MPP7: variants seen among roughly 807,000 people sequenced by gnomAD.
MPP7 encodes MAGUK p55 scaffold protein 7.
Under a neutral mutation model 76.5 loss-of-function variants are expected in MPP7, and 60 were observed. The observed-to-expected ratio is 0.78, with a 90% CI of 0.64 to 0.97. The LOEUF is 0.97. Ranked by LOEUF, MPP7 falls within the 50% of genes least tolerant of loss-of-function variation. MPP7 has a pLI of 0.00. For missense variants in MPP7, 641 were observed against 694.0 expected (o/e 0.92, Z 0.86); for synonymous variants, 237 against 244.5 (o/e 0.97, Z 0.29).
chr10:28,173,718 T>C (rs1413272103), intron 3 of MPP7, among the ~76,000 whole-genome samples: 1 of 152,140 alleles, frequency 6.6e-6, no homozygotes, highest in Admixed American at 6.5e-5. Context: ...TATTTAAAAA[T>C]CATTTTCTCA....
intron 1 of MPP7, 26 bp from the exon 2 acceptor site, chr10:28,238,761 T>G (rs1386256489): frequency 3.0e-6 from 2 of 676,598 alleles, no homozygotes; most frequent in Non-Finnish European, 5.0e-6. Context: ...ACATTTATAT[T>G]TTTTAAAAAG....
At chr10:28,189,238 T>G (rs185691559) in intron 3 of MPP7, among the ~76,000 whole-genome samples, 210 of 152,208 alleles carry the variant, frequency 1.4e-3, no homozygotes, top group African/African-American at 4.9e-3. Flanking sequence ...ATAAGGTACC[T>G]GTACTACCTG....
At chr10:28,202,339 T>C in intron 2 of MPP7, 68 bp from the exon 3 acceptor site, 1 of 1,094,630 alleles carries the variant, frequency 9.1e-7, no homozygotes. Flanking sequence ...CTAAGGTGTG[T>C]GTAAATGACA....
intron 7 of MPP7, among the ~76,000 whole-genome samples, chr10:28,124,498 C>T (rs573581895): frequency 5.4e-5 from 4 of 73,412 alleles, no homozygotes; most frequent in South Asian, 1.1e-3. Context: ...TTTTTTGAGA[C>T]GGAGTCTCGC....
chr10:28,181,877 C>G (rs972646543), intron 3 of MPP7, among the ~76,000 whole-genome samples: 6 of 152,180 alleles, frequency 3.9e-5, no homozygotes, highest in African/African-American at 1.4e-4. Context: ...TAAAAATAAA[C>G]CAGACCTCAG....
intron 1 of MPP7, among the ~76,000 whole-genome samples, chr10:28,299,591 T>TA (rs1841106158): frequency 6.6e-6 from 1 of 152,082 alleles, no homozygotes; most frequent in Non-Finnish European, 1.5e-5. Flanking sequence ...AAAATGAACA[T>TA]ACACTATTGG....
chr10:28,275,459 T>G (rs1334110900), intron 1 of MPP7, among the ~76,000 whole-genome samples: 3 of 150,612 alleles, frequency 2.0e-5, no homozygotes, highest in Non-Finnish European at 4.4e-5. Flanking sequence ...CAGGCTGGAG[T>G]GCAATGGCGC....
intron 2 of MPP7, among the ~76,000 whole-genome samples, chr10:28,309,494 C>A (rs1033757718): frequency 6.6e-6 from 1 of 152,118 alleles, no homozygotes; most frequent in African/African-American, 2.4e-5. Flanking sequence ...TTCCTTCTCC[C>A]AGTTCCTACA....
chr10:28,150,751 A>G (rs1301801463), intron 3 of MPP7, among the ~76,000 whole-genome samples: 1 of 152,086 alleles, frequency 6.6e-6, no homozygotes, highest in East Asian at 1.9e-4. Flanking sequence ...TAATTATAAT[A>G]ATAAATTTTA....
upstream of MPP7, among the ~76,000 whole-genome samples, chr10:28,304,336 T>G (rs537727401): frequency 6.6e-6 from 1 of 152,092 alleles, no homozygotes; most frequent in African/African-American, 2.4e-5. Flanking sequence ...CTATTTGAAA[T>G]TAAGCACTTC....
chr10:28,243,337 T>C (rs772773774), intron 1 of MPP7, among the ~76,000 whole-genome samples: 1 of 152,178 alleles, frequency 6.6e-6, no homozygotes, highest in Non-Finnish European at 1.5e-5. Flanking sequence ...GCACTGGTTC[T>C]ATCAGCTTCT....
intron 1 of MPP7, among the ~76,000 whole-genome samples, chr10:28,272,954 G>A (rs890774949): frequency 3.9e-5 from 6 of 152,030 alleles, no homozygotes; most frequent in African/African-American, 1.4e-4. Context: ...GTCTCACTTT[G>A]TCAGCCAGGC....
At chr10:28,082,861 A>G (rs1852828124) in intron 12 of MPP7, among the ~76,000 whole-genome samples, 1 of 152,176 alleles carries the variant, frequency 6.6e-6, no homozygotes, top group South Asian at 2.1e-4. Flanking sequence ...TCTCCCGAAC[A>G]GCTGAGACCA....
At chr10:28,267,323 G>C (rs984075991) in intron 1 of MPP7, among the ~76,000 whole-genome samples, 2 of 152,194 alleles carry the variant, frequency 1.3e-5, no homozygotes, top group African/African-American at 2.4e-5. Context: ...TTTACTATGA[G>C]GCAATTGCTG....
chr10:28,096,176 C>T (rs145202109), intron 11 of MPP7, among the ~76,000 whole-genome samples: 1 of 152,242 alleles, frequency 6.6e-6, no homozygotes, highest in Non-Finnish European at 1.5e-5. Flanking sequence ...ATCCCTTTAT[C>T]CCATGTCACT....
chr10:28,056,553 C>G lies in MPP7; in HGVS notation c.1478G>C (p.Arg493Pro). 1 of 1,612,238 alleles carries G rather than the reference C, an allele frequency of 6.2e-7. No homozygotes were observed. The highest frequency in any genetic ancestry group is 8.5e-7 in the Non-Finnish European group (1 of 1,179,600). ...VIFIKPPSIE[R>P]LRETRKNAKI... The stretch of plus-strand genomic sequence containing the variant: ...TGCATTTTTTCTTGTTTCTCTCAAA[C>G]GCTCTATTGATGGAGGCTTTATAAA... The change falls in exon 16 of 17, where the codon CGT becomes CCT. Residue 493 changes from arginine (R) to proline (P), a missense_variant. Transcript: ENST00000683449.
At chr10:28,124,962 C>A (rs757382646) in intron 7 of MPP7, 48 bp downstream of exon 7, 2 of 1,491,254 alleles carry the variant, frequency 1.3e-6, no homozygotes, top group Admixed American at 1.7e-5. Context: ...AAATGCTACA[C>A]ACGAAACACG....
At chr10:28,328,285 T>A (rs1452028355) in intron 2 of MPP7, among the ~76,000 whole-genome samples, 1 of 152,228 alleles carries the variant, frequency 6.6e-6, no homozygotes, top group South Asian at 2.1e-4. Context: ...GTCTATTTCA[T>A]AGTTTTTAAA....
chr10:28,229,939 T>C (rs1838826051), intron 2 of MPP7, among the ~76,000 whole-genome samples: 1 of 150,566 alleles, frequency 6.6e-6, no homozygotes, highest in Non-Finnish European at 1.5e-5. Context: ...ATCTTCAAGG[T>C]CTGGGGTTTT....
Sources: gnomAD v4.1 joint callset for allele counts (sites outside exome capture counted in the v4.1 genomes callset) on GRCh38, gnomAD v4.1.1 for gene constraint, MANE v1.5 for transcripts, NCBI Gene and HGNC (gene_info 2026-07-23, HGNC 2026-07-21) for gene names.